The following ANO10 variants were observed in gnomAD, a reference collection of about 807,000 sequenced individuals.
ANO10 encodes anoctamin 10.
ANO10 carries 77 observed loss-of-function variants against 74.7 expected under a neutral mutation model. The observed-to-expected ratio is 1.03, with a 90% confidence interval of 0.86 to 1.25. The LOEUF (loss-of-function observed/expected upper bound fraction) is 1.25. ANO10 is among the 50% of genes most tolerant of loss of function. The pLI is 0.00. For missense variants in ANO10, 721 were observed against 778.1 expected, an observed-to-expected ratio of 0.93 and a Z score of 0.87; for synonymous variants, 279 against 284.9, an observed-to-expected ratio of 0.98 and a Z score of 0.21.
chr3:43,639,356 T>C (rs572908935), intron 1 of ANO10, among the ~76,000 whole-genome samples: 1 of 152,324 alleles, frequency 6.6e-6, no homozygotes, highest in South Asian at 2.1e-4. Flanking sequence ...TCTAGAGGGC[T>C]CCCGTCCACA....
intron 11 of ANO10, among the ~76,000 whole-genome samples, chr3:43,474,331 T>A (rs1052268442): frequency 2.0e-5 from 3 of 152,100 alleles, no homozygotes; most frequent in African/African-American, 7.2e-5. Flanking sequence ...ATATGTTGTT[T>A]TTCCAAGTCG....
chr3:43,671,421 G>A (rs191570371), intron 1 of ANO10, among the ~76,000 whole-genome samples: 10 of 152,176 alleles, frequency 6.6e-5, no homozygotes, highest in East Asian at 5.8e-4. Flanking sequence ...GTGCATGCCC[G>A]GGTTTAGGTG....
rs2078327795 is a variant in ANO10 at position 43,528,831 on chromosome 3, TG to T, written c.1797+20888del. Among the ~76,000 whole-genome samples the T allele has an allele frequency of 3.3e-5, 5 of 152,054 alleles. No homozygotes were observed. The South Asian group carries it at 1.0e-3, about 32-fold the overall frequency. On this transcript the variant is annotated intron_variant, in intron 11 of 12. Transcript: ENST00000292246. The stretch of plus-strand genomic sequence containing the variant: ...AAAATCAGCTGAGCATGGTGGTGTG[TG>T]CCTGTTAGTCCCAGCTACTCAGGAG...
At chr3:43,643,683 CTTT>C (rs61487906) in intron 1 of ANO10, among the ~76,000 whole-genome samples, 2 of 104,722 alleles carry the variant, frequency 1.9e-5, no homozygotes, top group South Asian at 3.6e-4. Context: ...CTCATCTTTT[CTTT>C]TTTTTTTTTT....
intron 1 of ANO10, among the ~76,000 whole-genome samples, chr3:43,627,950 T>C (rs943970176): frequency 6.6e-6 from 1 of 152,062 alleles, no homozygotes; most frequent in Non-Finnish European, 1.5e-5. Context: ...GCAGTGGCGC[T>C]ATCTAGGCTT....
Position 43,452,715 on chromosome 3 carries a change from G to A in ANO10, c.1798-19988C>T, listed in dbSNP as rs555034903. ...TACCTAGGAGTGGAACTGCTGGATC[G>A]CATAGTAACTCTATGGTTAACATTT... On this transcript the variant is annotated intron_variant, in intron 11 of 12. Coordinates refer to ENST00000292246, the MANE Select transcript of ANO10 (RefSeq NM_018075.5). 3.5e-3 allele frequency among the ~76,000 whole-genome samples: 528 copies of A among 152,234 alleles called. 2 individuals carry two copies. The highest frequency in any genetic ancestry group is 3.6e-3 in the Non-Finnish European group (244 of 68,014).
At chr3:43,667,906 TGTAA>T (rs1217729547) in intron 1 of ANO10, among the ~76,000 whole-genome samples, 16 of 152,174 alleles carry the variant, frequency 1.1e-4, no homozygotes, top group African/African-American at 3.4e-4. Context: ...AACATGTGTG[TGTAA>T]GTATCTTTTT....
At chr3:43,657,391 C>T (rs572143722) in intron 1 of ANO10, among the ~76,000 whole-genome samples, 7 of 152,190 alleles carry the variant, frequency 4.6e-5, no homozygotes, top group Non-Finnish European at 5.9e-5. Context: ...TGTAGGAGTA[C>T]GCAGTGACTA....
intron 1 of ANO10, among the ~76,000 whole-genome samples, chr3:43,606,605 G>A (rs1025944831): frequency 1.3e-5 from 2 of 151,738 alleles, no homozygotes; most frequent in African/African-American, 2.4e-5. Context: ...ATAGCTCGGG[G>A]TTAAATCTAT....
chr3:43,672,724 T>C (rs1396778285), intron 1 of ANO10, among the ~76,000 whole-genome samples: 1 of 152,214 alleles, frequency 6.6e-6, no homozygotes, highest in Non-Finnish European at 1.5e-5. Flanking sequence ...AGTTTACTTG[T>C]GTTATTCACT....
intron 12 of ANO10, among the ~76,000 whole-genome samples, chr3:43,393,272 A>G (rs1371480225): frequency 6.6e-6 from 1 of 152,238 alleles, no homozygotes; most frequent in African/African-American, 2.4e-5. Context: ...TGAAGTGCAC[A>G]GCCATTCACC....
At chr3:43,394,523 A>G (rs1477367078) in intron 12 of ANO10, among the ~76,000 whole-genome samples, 1 of 152,070 alleles carries the variant, frequency 6.6e-6, no homozygotes, top group African/African-American at 2.4e-5. Flanking sequence ...TCCTCTAAAG[A>G]GTTAGAGCCT....
intron 12 of ANO10, among the ~76,000 whole-genome samples, chr3:43,408,022 G>A (rs74780412): frequency 0.037 from 5,707 of 152,260 alleles, 144 homozygotes; most frequent in Non-Finnish European, 0.061. Context: ...GCAGCAAAAG[G>A]AAAACTGGAG....
intron 2 of ANO10, among the ~76,000 whole-genome samples, chr3:43,600,888 T>C (rs1575522840): frequency 6.6e-6 from 1 of 152,156 alleles, no homozygotes; most frequent in Non-Finnish European, 1.5e-5. Flanking sequence ...AATAAAAATA[T>C]AGAACAAAGA....
chr3:43,537,961 T>A (rs2078789114), intron 11 of ANO10, among the ~76,000 whole-genome samples: 1 of 152,100 alleles, frequency 6.6e-6, no homozygotes, highest in Non-Finnish European at 1.5e-5. Context: ...GCTTTTAAGC[T>A]ACAGACTAAA....
intron 11 of ANO10, among the ~76,000 whole-genome samples, chr3:43,463,274 T>C (rs911157526): frequency 6.6e-6 from 1 of 152,200 alleles, no homozygotes; most frequent in Admixed American, 6.5e-5. Context: ...GGCTGTACCC[T>C]GCAAAGCCAC....
At position 43,509,818 on chromosome 3, in the gene ANO10, T is replaced by G. The variant is rs2077442893; in HGVS notation, c.1797+39902A>C. 7.2e-5 allele frequency among the ~76,000 whole-genome samples: 11 copies of G among 152,338 alleles called. No homozygotes were observed. The South Asian group carries it at 2.3e-3, about 32-fold the overall frequency. ...GACCAGATGTCCTTCAGTGGGTGAA[T>G]GTTTAAACAAATTGTGGTATATATA... On this transcript the variant is annotated intron_variant, in intron 11 of 12. Transcript: ENST00000292246.
chr3:43,600,290 T>C, intron 3 of ANO10, 94 bp downstream of exon 3: 1 of 1,402,328 alleles, frequency 7.1e-7, no homozygotes, highest in Non-Finnish European at 1.0e-6. Flanking sequence ...TATTTGACCC[T>C]TTACTGAAAA....
chr3:43,686,319 T>A (rs2084274845), intron 1 of ANO10, among the ~76,000 whole-genome samples: 1 of 152,192 alleles, frequency 6.6e-6, no homozygotes, highest in Non-Finnish European at 1.5e-5. Context: ...AGGGTCTCAC[T>A]CTGTCATCCA....
Sources: allele counts gnomAD v4.1 joint callset (sites outside exome capture counted in the v4.1 genomes callset), GRCh38; gene constraint gnomAD v4.1.1; transcripts MANE v1.5; gene names NCBI Gene and HGNC (gene_info 2026-07-23, HGNC 2026-07-21).